The following CCDC170 variants were observed in gnomAD, a reference collection of about 807,000 sequenced individuals.
CCDC170 encodes coiled-coil domain containing 170.
A neutral mutation model predicts 72.6 loss-of-function variants in CCDC170; 69 were observed. That is an observed-to-expected ratio of 0.95 (90% CI 0.78 to 1.16). CCDC170 has a LOEUF of 1.16. Ranked by LOEUF, CCDC170 falls within the 50% of genes most tolerant of loss-of-function variation. The pLI is 0.00. For missense variants in CCDC170, 852 were observed against 832.5 expected (o/e 1.02, Z -0.29); for synonymous variants, 300 against 303.9 (o/e 0.99, Z 0.13).
chr6:151,548,503 A>G lies in CCDC170; in HGVS notation c.774+14A>G, dbSNP rs1483214225. ...AAGCTGAACCAGGTATGATATGTGA[A>G]GTATACGTGTGCATCTGGGACCATG... On this transcript the variant is annotated intron_variant, in intron 5 of 10. Coordinates refer to ENST00000239374, the MANE Select transcript of CCDC170 (RefSeq NM_025059.4). 1 of 1,532,754 alleles carries G rather than the reference A, an allele frequency of 6.5e-7. No homozygotes were observed. Among genetic ancestry groups the G allele is most frequent in the Non-Finnish European group, 8.8e-7 (1 of 1,137,662 alleles). The allele number at this position is 1,532,754 out of a possible 1,614,324, so 94.9% of individuals were successfully genotyped here.
chr6:151,525,994 T>G (rs968961405), intron 1 of CCDC170, among the ~76,000 whole-genome samples: 4 of 152,176 alleles, frequency 2.6e-5, no homozygotes, highest in African/African-American at 9.7e-5. Context: ...TATCCCTCCA[T>G]TAAGCATACT....
At chr6:151,571,778 T>C (rs1021493893) in intron 5 of CCDC170, among the ~76,000 whole-genome samples, 1 of 152,192 alleles carries the variant, frequency 6.6e-6, no homozygotes, top group African/African-American at 2.4e-5. Flanking sequence ...TTCTAGATTA[T>C]GGTAAATAGA....
chr6:151,571,523 T>G (rs751476732), intron 5 of CCDC170, among the ~76,000 whole-genome samples: 8 of 151,772 alleles, frequency 5.3e-5, no homozygotes, highest in Non-Finnish European at 8.8e-5. Flanking sequence ...AAGTTGGGAG[T>G]TCAAGACCAG....
chr6:151,548,514 G>A, intron 5 of CCDC170, 25 bp downstream of exon 5: 1 of 1,481,132 alleles, frequency 6.8e-7, no homozygotes, highest in Non-Finnish European at 9.0e-7. Flanking sequence ...GTATACGTGT[G>A]CATCTGGGAC....
intron 5 of CCDC170, among the ~76,000 whole-genome samples, chr6:151,554,452 C>G (rs1334425468): frequency 6.6e-6 from 1 of 152,116 alleles, no homozygotes; most frequent in African/African-American, 2.4e-5. Flanking sequence ...AGGCCAGGTG[C>G]AGTGGCTCAA....
At chr6:151,555,466 A>G (rs1782960188) in intron 5 of CCDC170, among the ~76,000 whole-genome samples, 1 of 152,170 alleles carries the variant, frequency 6.6e-6, no homozygotes, top group South Asian at 2.1e-4. Context: ...TAGAATCATA[A>G]AGTTGGAAGT....
At chr6:151,541,689 T>C (rs2115051668) in intron 3 of CCDC170, among the ~76,000 whole-genome samples, 1 of 151,588 alleles carries the variant, frequency 6.6e-6, no homozygotes, top group South Asian at 2.1e-4. Flanking sequence ...TAATAATTAC[T>C]TAAAACCTCA....
chr6:151,494,320 A>T (rs1441065663), intron 1 of CCDC170, 135 bp downstream of exon 1: 2 of 960,976 alleles, frequency 2.1e-6, no homozygotes, highest in Non-Finnish European at 2.8e-6. Flanking sequence ...TGTGCCCGCG[A>T]GGGCTGTGGC....
Position 151,528,752 on chromosome 6 carries a change from C to T in CCDC170, c.58-7566C>T, listed in dbSNP as rs190695539. Among the ~76,000 whole-genome samples, 470 of 151,894 alleles carry T rather than the reference C, an allele frequency of 3.1e-3. 3 individuals are homozygous for T. The highest frequency in any genetic ancestry group is 0.011 in the African/African-American group (444 of 41,306). Reference sequence around the variant, plus strand: ...ACTTGGGAGGCTGAGGCAGGAGAATCGCTTGAATACAGGAGGTAGAGGTTG... The same window carrying T: ...ACTTGGGAGGCTGAGGCAGGAGAATTGCTTGAATACAGGAGGTAGAGGTTG... On this transcript the variant is annotated intron_variant, in intron 1 of 10. Transcript: ENST00000239374.
intron 6 of CCDC170, among the ~76,000 whole-genome samples, chr6:151,580,841 G>A (rs893392671): frequency 2.6e-5 from 4 of 152,092 alleles, no homozygotes; most frequent in African/African-American, 9.7e-5. Context: ...AGACCACTGC[G>A]ACAAAGCAAG....
At chr6:151,494,545 A>G (rs577562390) in intron 1 of CCDC170, among the ~76,000 whole-genome samples, 1 of 152,204 alleles carries the variant, frequency 6.6e-6, no homozygotes, top group East Asian at 1.9e-4. Flanking sequence ...TGTGCTTCGG[A>G]GCAATTTCTG....
intron 5 of CCDC170, among the ~76,000 whole-genome samples, chr6:151,554,878 T>TTG (rs1782948698): frequency 7.1e-6 from 1 of 140,004 alleles, no homozygotes; most frequent in Non-Finnish European, 1.5e-5. Context: ...CTCAGTTTTT[T>TTG]TTTTTTTTTT....
Position 151,567,982 on chromosome 6 carries a change from G to A in CCDC170, c.775-5192G>A, listed in dbSNP as rs1053729235. On this transcript the variant is annotated intron_variant, in intron 5 of 10. Transcript: ENST00000239374. Reference sequence around the variant, plus strand: ...AAAAATTAGCTGGGCATGGTGGCACGCACCTGTACCCCAGCTACTCGGTAG... The same window carrying A: ...AAAAATTAGCTGGGCATGGTGGCACACACCTGTACCCCAGCTACTCGGTAG... Among the ~76,000 whole-genome samples the A allele has an allele frequency of 3.9e-4, 8 of 20,414 alleles. No individual in the cohort carries two copies. In the East Asian group the frequency reaches 0.056, roughly 142 times the overall value. 13.4% of individuals were successfully genotyped at this position (20,414 alleles called of 152,430 possible). A position where few individuals can be genotyped will look rare whatever the true frequency, so the allele number is the denominator to read the frequency against.
At chr6:151,527,050 A>ATTTTTTTTT (rs56941290) in intron 1 of CCDC170, among the ~76,000 whole-genome samples, 7 of 69,682 alleles carry the variant, frequency 1.0e-4, no homozygotes, top group African/African-American at 2.3e-4. Flanking sequence ...ATGCTTAGCT[A>ATTTTTTTTT]TTTTTTTTTT....
rs549353995 is a variant in CCDC170 at position 151,526,992 on chromosome 6, C to A, written c.58-9326C>A. On this transcript the variant is annotated intron_variant, in intron 1 of 10. Transcript: ENST00000239374. The stretch of plus-strand genomic sequence containing the variant: ...CTCTGCCTCCCAGGCTCAAGCAATT[C>A]TTGTGCCTCAGCCTCCTGAGTAGCT... 2.0e-5 allele frequency among the ~76,000 whole-genome samples: 3 copies of A among 149,592 alleles called. No individual in the cohort carries two copies. The South Asian group carries it at 6.4e-4, about 32-fold the overall frequency.
intron 1 of CCDC170, among the ~76,000 whole-genome samples, chr6:151,504,583 A>G (rs753135872): frequency 4.6e-5 from 7 of 152,152 alleles, no homozygotes; most frequent in Non-Finnish European, 8.8e-5. Context: ...AGGGACAGAC[A>G]CAATGAACAA....
intron 9 of CCDC170, among the ~76,000 whole-genome samples, chr6:151,604,653 G>C (rs1424340204): frequency 1.3e-5 from 2 of 152,130 alleles, no homozygotes; most frequent in African/African-American, 4.8e-5. Context: ...ATTTCGACAC[G>C]TGCTCTTACG....
chr6:151,551,078 A>G (rs1782870649), intron 5 of CCDC170, among the ~76,000 whole-genome samples: 1 of 152,194 alleles, frequency 6.6e-6, no homozygotes, highest in Middle Eastern at 3.2e-3. Flanking sequence ...AAAAAATTTC[A>G]AATATATAGA....
chr6:151,596,189 C>T lies in CCDC170; in HGVS notation c.1468-146C>T, dbSNP rs571261194. ...AAAGGGTATGAGTAAAAAATGCAAT[C>T]AGGAAAAGGAATCCAATGACTTTTT... On this transcript the variant is annotated intron_variant, in intron 8 of 10. Transcript: ENST00000239374. 20 of 1,004,518 alleles carry T rather than the reference C, an allele frequency of 2.0e-5. No individual in the cohort carries two copies. In the South Asian group the frequency reaches 4.0e-4, roughly 20 times the overall value. 62.2% of individuals were successfully genotyped at this position (1,004,518 alleles called of 1,614,324 possible). A position where few individuals can be genotyped will look rare whatever the true frequency, so the allele number is the denominator to read the frequency against.
Sources: gnomAD v4.1 joint callset for allele counts (sites outside exome capture counted in the v4.1 genomes callset) on GRCh38, gnomAD v4.1.1 for gene constraint, MANE v1.5 for transcripts, NCBI Gene and HGNC (gene_info 2026-07-23, HGNC 2026-07-21) for gene names.